The following CRYBG1 variants were observed in gnomAD, a reference collection of about 807,000 sequenced individuals.
CRYBG1 encodes beta/gamma crystallin domain-containing protein 1.
A neutral mutation model predicts 189.2 loss-of-function variants in CRYBG1; 139 were observed. That is an observed-to-expected ratio of 0.73 (90% CI 0.64 to 0.85). CRYBG1 has a LOEUF of 0.85. CRYBG1 is among the 40% of genes least tolerant of loss of function. The pLI is 0.00. For synonymous variants in CRYBG1, 1,023 were observed against 1,017.1 expected (o/e 1.01, Z -0.11); for missense variants, 2,611 against 2,675.8 (o/e 0.98, Z 0.53).
rs71663353 is a variant in CRYBG1 at position 106,416,999 on chromosome 6, C to CTTTT, written c.174-34674_174-34671dup. ...AGAACAAAGGCAATGATGGGATTTA[C>CTTTT]TTTTTTTTTTTTTTTTTTTTTTTTG... On this transcript the variant is annotated intron_variant, in intron 1 of 21. Transcript: ENST00000633556. Among the ~76,000 whole-genome samples, 458 of 69,478 alleles carry CTTTT rather than the reference C, an allele frequency of 6.6e-3. 24 individuals carry two copies. The highest frequency in any genetic ancestry group is 8.0e-3 in the Admixed American group (36 of 4,480). The allele number at this position is 69,478 out of a possible 152,430, so 45.6% of individuals were successfully genotyped here. A position where few individuals can be genotyped will look rare whatever the true frequency, so the allele number is the denominator to read the frequency against.
intron 19 of CRYBG1, among the ~76,000 whole-genome samples, 158 bp downstream of exon 19, chr6:106,561,084 G>A (rs952538147): frequency 3.9e-5 from 6 of 152,216 alleles, no homozygotes; most frequent in Admixed American, 3.9e-4. Flanking sequence ...AGTTTCTGGT[G>A]CTAAGAGGTG....
At chr6:106,406,426 G>A (rs74339148) in intron 1 of CRYBG1, among the ~76,000 whole-genome samples, 1 of 152,286 alleles carries the variant, frequency 6.6e-6, no homozygotes, top group South Asian at 2.1e-4. Flanking sequence ...AAGTGATGAG[G>A]AGAATGGAAC....
chr6:106,533,145 C>G (rs563493986), intron 8 of CRYBG1, among the ~76,000 whole-genome samples: 171 of 152,260 alleles, frequency 1.1e-3, no homozygotes, highest in African/African-American at 3.9e-3. Context: ...GATAGGGTAG[C>G]TAGTAAAGGA....
intron 2 of CRYBG1, among the ~76,000 whole-genome samples, chr6:106,477,759 T>C (rs1435520644): frequency 1.3e-5 from 2 of 152,254 alleles, no homozygotes; most frequent in Non-Finnish European, 2.9e-5. Context: ...CAAATGACTT[T>C]CTACCCAGGT....
chr6:106,450,824 C>T (rs780190559), intron 1 of CRYBG1, among the ~76,000 whole-genome samples: 3 of 152,184 alleles, frequency 2.0e-5, no homozygotes, highest in South Asian at 2.1e-4. Context: ...CTTCAGCAGA[C>T]GCCTCTCACA....
At chr6:106,421,586 C>T (rs865837369) in intron 1 of CRYBG1, among the ~76,000 whole-genome samples, 1 of 152,078 alleles carries the variant, frequency 6.6e-6, no homozygotes, top group Non-Finnish European at 1.5e-5. Flanking sequence ...AAGGGGAGGG[C>T]TTTGCATGAA....
At chr6:106,462,940 G>A (rs115999035) in intron 2 of CRYBG1, among the ~76,000 whole-genome samples, 1,776 of 152,294 alleles carry the variant, frequency 0.012, 35 homozygotes, top group African/African-American at 0.04. Flanking sequence ...GATTGCTTGA[G>A]GCCAGGAGTT....
At chr6:106,436,583 G>A (rs1771463816) in intron 1 of CRYBG1, among the ~76,000 whole-genome samples, 1 of 110,698 alleles carries the variant, frequency 9.0e-6, no homozygotes, top group Non-Finnish European at 1.7e-5. Context: ...GTGAGCCAAC[G>A]CGCCCGGCCG....
At chr6:106,378,028 C>G (rs973835069) in intron 1 of CRYBG1, among the ~76,000 whole-genome samples, 17 of 152,282 alleles carry the variant, frequency 1.1e-4, no homozygotes, top group South Asian at 6.2e-4. Context: ...TCCCTGCTCC[C>G]TAACCAGCCT....
chr6:106,426,246 T>G (rs1033621556), intron 1 of CRYBG1, among the ~76,000 whole-genome samples: 1 of 152,186 alleles, frequency 6.6e-6, no homozygotes, highest in African/African-American at 2.4e-5. Context: ...CCTGACCCCA[T>G]GCCCTCTCAC....
intron 1 of CRYBG1, among the ~76,000 whole-genome samples, chr6:106,382,333 T>C (rs1389183117): frequency 6.6e-6 from 1 of 152,224 alleles, no homozygotes; most frequent in African/African-American, 2.4e-5. Flanking sequence ...ATTCTTCTTT[T>C]GATAGAGAAA....
chr6:106,437,000 G>A (rs1401593826), intron 1 of CRYBG1, among the ~76,000 whole-genome samples: 1 of 151,788 alleles, frequency 6.6e-6, no homozygotes, highest in African/African-American at 2.4e-5. Context: ...CACACCTGTA[G>A]TCCCAACTAC....
At position 106,512,794 on chromosome 6, in the gene CRYBG1, CG is replaced by C; in HGVS notation, c.1681del (p.Glu561ArgfsTer62). 1 of 1,579,220 alleles carries C rather than the reference CG, an allele frequency of 6.3e-7. No homozygotes were observed. Among genetic ancestry groups the C allele is most frequent in the African/African-American group, 1.3e-5 (1 of 74,372 alleles). On this transcript the variant is annotated frameshift_variant, in exon 3 of 22. Coordinates refer to ENST00000633556, the MANE Select transcript of CRYBG1 (RefSeq NM_001371242.2). LOFTEE classifies it high-confidence loss of function. The part of the protein sequence containing the change: ...PVTKGTAAES[G>X]EEAARAIPRE... ...TCACCAAGGGCACTGCGGCCGAGAG[CG>C]GGGAGGAGGCGGCGCGGGCCATCCC... is the stretch of plus-strand genomic sequence containing the variant.
At chr6:106,469,294 C>T (rs912081625) in intron 2 of CRYBG1, among the ~76,000 whole-genome samples, 2 of 152,238 alleles carry the variant, frequency 1.3e-5, no homozygotes, top group Non-Finnish European at 2.9e-5. Context: ...GACATGACTG[C>T]CTCAACCTAC....
Position 106,569,617 on chromosome 6 carries a change from T to A in CRYBG1, c.*1051T>A, listed in dbSNP as rs1774997554. 1 of 152,262 alleles carries A rather than the reference T, an allele frequency of 6.6e-6. No homozygotes were observed. Among genetic ancestry groups the A allele is most frequent in the African/African-American group, 2.4e-5 (1 of 41,464 alleles). 9.4% of individuals were successfully genotyped at this position (152,262 alleles called of 1,614,324 possible). A position where few individuals can be genotyped will look rare whatever the true frequency, so the allele number is the denominator to read the frequency against. On this transcript the variant is annotated 3_prime_UTR_variant, in exon 22 of 22. Coordinates refer to ENST00000633556, the MANE Select transcript of CRYBG1 (RefSeq NM_001371242.2). ...TTTCTTATAGCTGCTACTGGAACAC[T>A]ATTATGACCTAATTTATGAGCCATC... is the stretch of plus-strand genomic sequence containing the variant.
chr6:106,497,097 A>C (rs531876873), intron 2 of CRYBG1, among the ~76,000 whole-genome samples: 2 of 152,094 alleles, frequency 1.3e-5, no homozygotes, highest in Non-Finnish European at 2.9e-5. Context: ...AGAGCAGGAA[A>C]TTTCTCACCA....
intron 1 of CRYBG1, among the ~76,000 whole-genome samples, chr6:106,395,003 A>T (rs944269273): frequency 1.3e-5 from 2 of 151,628 alleles, no homozygotes; most frequent in African/African-American, 4.8e-5. Flanking sequence ...TTACAGGCAT[A>T]AGCCACCACA....
rs768360140 is a variant in CRYBG1 at position 106,571,946 on chromosome 6, C to T, written c.*3380C>T. The T allele has an allele frequency of 3.6e-6, 5 of 1,407,980 alleles. No individual in the cohort carries two copies. The highest frequency in any genetic ancestry group is 3.0e-6 in the Non-Finnish European group (3 of 996,494). The allele number at this position is 1,407,980 out of a possible 1,614,324, so 87.2% of individuals were successfully genotyped here. On this transcript the variant is annotated 3_prime_UTR_variant, in exon 22 of 22. Coordinates refer to ENST00000633556, the MANE Select transcript of CRYBG1 (RefSeq NM_001371242.2). ...ATGGCTAGAAAAAAATTTGGGCTCACAGGCACTCACCAAATAAGAACGTCA... is the reference window on the plus strand; with the variant it reads ...ATGGCTAGAAAAAAATTTGGGCTCATAGGCACTCACCAAATAAGAACGTCA...
chr6:106,541,557 T>A, intron 9 of CRYBG1, 29 bp from the exon 10 acceptor site: 2 of 1,606,768 alleles, frequency 1.2e-6, no homozygotes, highest in Non-Finnish European at 1.7e-6. Flanking sequence ...AGTGAAAAAC[T>A]ATTTTTCTTA....
Sources: allele counts gnomAD v4.1 joint callset (sites outside exome capture counted in the v4.1 genomes callset), GRCh38; gene constraint gnomAD v4.1.1; transcripts MANE v1.5; gene names NCBI Gene and HGNC (gene_info 2026-07-23, HGNC 2026-07-21).